Variants in PTPRD observed in about 807,000 individuals in gnomAD.
PTPRD encodes receptor-type tyrosine-protein phosphatase delta.
PTPRD carries 34 observed loss-of-function variants against 214.5 expected under a neutral mutation model. That is an observed-to-expected ratio of 0.16 (90% confidence interval 0.12 to 0.21). The LOEUF (loss-of-function observed/expected upper bound fraction) is 0.21. Ranked by LOEUF, PTPRD falls within the 10% of genes least tolerant of loss-of-function variation. PTPRD has a pLI of 1.00. For missense variants in PTPRD, 2,545 were observed against 2,398.7 expected (o/e 1.06, Z -1.27); for synonymous variants, 1,128 against 845.7 (o/e 1.33, Z -5.79).
chr9:8,341,910 T>C lies in PTPRD; in HGVS notation c.4730A>G (p.Lys1577Arg). The change falls in exon 40 of 46, where the codon AAA (lysine) becomes AGA (arginine). Residue 1577 changes from lysine (K) to arginine (R), a missense_variant. By Grantham distance (26) the Lys-to-Arg change is conservative. Coordinates refer to ENST00000381196, the MANE Select transcript of PTPRD (RefSeq NM_002839.4). ...DAMLERIKHEKTVDIYGHVTL... is the reference protein window; with the variant it reads ...DAMLERIKHERTVDIYGHVTL... ...TACATGGCCATAAATATCTACAGTT[T>C]TTTCATGCTTTATTCTTTCTAACAT... 1 of 1,613,234 alleles carries C rather than the reference T, an allele frequency of 6.2e-7. No homozygotes were observed. The highest frequency in any genetic ancestry group is 8.5e-7 in the Non-Finnish European group (1 of 1,179,602).
intron 39 of PTPRD, among the ~76,000 whole-genome samples, chr9:8,370,308 C>G (rs1417614356): frequency 1.3e-5 from 2 of 151,484 alleles, no homozygotes; most frequent in Non-Finnish European, 2.9e-5. Flanking sequence ...CAGTAAAGAG[C>G]TAAGTATAAG....
intron 11 of PTPRD, among the ~76,000 whole-genome samples, chr9:8,919,207 A>G (rs987330360): frequency 6.6e-6 from 1 of 152,114 alleles, no homozygotes; most frequent in Non-Finnish European, 1.5e-5. Context: ...AGCCTGGTCA[A>G]CATGGCGAAA....
intron 9 of PTPRD, among the ~76,000 whole-genome samples, chr9:9,328,569 C>G (rs2040972863): frequency 6.9e-6 from 1 of 144,340 alleles, no homozygotes; most frequent in South Asian, 2.3e-4. Context: ...ATGAGCAAAA[C>G]ATGGTCAAAT....
chr9:8,735,163 TG>T lies in PTPRD; in HGVS notation c.-103-1218del, dbSNP rs200472321. ...GTTTTTTTTTTTCTGTTTTTTTTTT[TG>T]AGACAGTCTCACTCTGTCACCCAGG... is the stretch of plus-strand genomic sequence containing the variant. On this transcript the variant is annotated intron_variant, in intron 11 of 45. Transcript: ENST00000381196. Among the ~76,000 whole-genome samples, 330 of 146,950 alleles carry T rather than the reference TG, an allele frequency of 2.2e-3. 5 individuals carry two copies. Among genetic ancestry groups the T allele is most frequent in the African/African-American group, 7.5e-3 (298 of 39,944 alleles).
At chr9:8,751,611 G>A (rs2065906052) in intron 11 of PTPRD, among the ~76,000 whole-genome samples, 1 of 152,158 alleles carries the variant, frequency 6.6e-6, no homozygotes, top group African/African-American at 2.4e-5. Context: ...AAGGCCTGCT[G>A]TGAGTCAATT....
At chr9:9,925,721 A>C (rs1287061401) in intron 5 of PTPRD, among the ~76,000 whole-genome samples, 1 of 152,092 alleles carries the variant, frequency 6.6e-6, no homozygotes, top group Non-Finnish European at 1.5e-5. Context: ...CGTGTCTCAA[A>C]AAATTTTCTT....
At chr9:8,648,595 T>C (rs563647790) in intron 12 of PTPRD, among the ~76,000 whole-genome samples, 2 of 152,234 alleles carry the variant, frequency 1.3e-5, no homozygotes, top group Non-Finnish European at 2.9e-5. Flanking sequence ...TACCTATTTA[T>C]GCATTCAAAA....
chr9:9,456,993 G>C (rs1449736789), intron 8 of PTPRD, among the ~76,000 whole-genome samples: 2 of 151,904 alleles, frequency 1.3e-5, no homozygotes, highest in East Asian at 3.9e-4. Context: ...GACAAGTTTG[G>C]AAAAGTAGGT....
intron 39 of PTPRD, among the ~76,000 whole-genome samples, chr9:8,344,913 C>A (rs1350898086): frequency 1.8e-5 from 1 of 55,636 alleles, no homozygotes; most frequent in East Asian, 6.0e-4. Flanking sequence ...AAGTGTTTTG[C>A]AAACATAATG....
chr9:9,263,909 G>C (rs2099981249), intron 9 of PTPRD, among the ~76,000 whole-genome samples: 1 of 151,460 alleles, frequency 6.6e-6, no homozygotes, highest in Non-Finnish European at 1.5e-5. Context: ...TCAATCCCCT[G>C]TAATTAAAAG....
chr9:9,483,517 T>C (rs2095502582), intron 8 of PTPRD, among the ~76,000 whole-genome samples: 1 of 152,140 alleles, frequency 6.6e-6, no homozygotes. Context: ...GAGTGACTAC[T>C]GCTAAGCTTA....
intron 8 of PTPRD, among the ~76,000 whole-genome samples, chr9:9,489,791 A>G (rs534019844): frequency 6.6e-6 from 1 of 151,348 alleles, no homozygotes; most frequent in Non-Finnish European, 1.5e-5. Context: ...GGACCAATAT[A>G]CACACTGTAG....
intron 14 of PTPRD, among the ~76,000 whole-genome samples, chr9:8,529,229 A>G (rs1457739898): frequency 1.3e-5 from 2 of 152,050 alleles, no homozygotes; most frequent in East Asian, 3.9e-4. Context: ...GCCGAGAGAG[A>G]AGCATGGAAG....
At chr9:9,127,563 G>A (rs1344181184) in intron 10 of PTPRD, among the ~76,000 whole-genome samples, 3 of 152,144 alleles carry the variant, frequency 2.0e-5, no homozygotes, top group Non-Finnish European at 4.4e-5. Flanking sequence ...GATAATGGAT[G>A]TCTATTCCAC....
At position 9,829,254 on chromosome 9, in the gene PTPRD, G is replaced by A. The variant is rs10816196; in HGVS notation, c.-367-62403C>T. 7.8e-3 allele frequency among the ~76,000 whole-genome samples: 1,176 copies of A among 151,682 alleles called. 15 individuals are homozygous for A. The highest frequency in any genetic ancestry group is 0.025 in the African/African-American group (1,043 of 41,428). On this transcript the variant is annotated intron_variant, in intron 5 of 45. Coordinates refer to ENST00000381196, the MANE Select transcript of PTPRD (RefSeq NM_002839.4). Reference sequence around the variant, plus strand: ...CATAAGAATACCTACAGTGATGTTCGTCTTCTGAATGTTTACAGATAATCT... The same window carrying A: ...CATAAGAATACCTACAGTGATGTTCATCTTCTGAATGTTTACAGATAATCT...
intron 9 of PTPRD, among the ~76,000 whole-genome samples, chr9:9,361,728 T>C (rs1180284667): frequency 6.6e-6 from 1 of 151,148 alleles, no homozygotes; most frequent in Non-Finnish European, 1.5e-5. Flanking sequence ...GTGGTCTTGA[T>C]CTTTCAGTCT....
chr9:10,377,615 A>G (rs1421806300), intron 2 of PTPRD, among the ~76,000 whole-genome samples: 1 of 152,066 alleles, frequency 6.6e-6, no homozygotes, highest in Non-Finnish European at 1.5e-5. Context: ...TACAAAGGAC[A>G]TGAACTCATC....
At chr9:9,546,968 TAA>T (rs112152262) in intron 8 of PTPRD, among the ~76,000 whole-genome samples, 108 of 146,726 alleles carry the variant, frequency 7.4e-4, no homozygotes, top group Middle Eastern at 3.5e-3. Context: ...TCACTAATGT[TAA>T]AAAAAAAAAT....
chr9:10,135,210 T>C (rs1324454910), intron 3 of PTPRD, among the ~76,000 whole-genome samples: 1 of 152,144 alleles, frequency 6.6e-6, no homozygotes, highest in Non-Finnish European at 1.5e-5. Flanking sequence ...ACAAAACCTT[T>C]GGAAATTACA....
Sources: gnomAD v4.1 joint callset for allele counts (sites outside exome capture counted in the v4.1 genomes callset) on GRCh38, gnomAD v4.1.1 for gene constraint, MANE v1.5 for transcripts, NCBI Gene and HGNC (gene_info 2026-07-23, HGNC 2026-07-21) for gene names.